The following ICMT variants were observed in gnomAD, a reference collection of about 807,000 sequenced individuals.
ICMT encodes protein-S-isoprenylcysteine O-methyltransferase.
ICMT carries 10 observed loss-of-function variants against 32.2 expected under a neutral mutation model. The ratio of observed to expected loss-of-function variants is 0.31; its 90% CI spans 0.19 to 0.53. The LOEUF is 0.53. Among genes scored for constraint, ICMT ranks in the 20% least tolerant of loss-of-function variants. ICMT has a pLI of 0.96. For synonymous variants in ICMT, 183 were observed against 158.2 expected (o/e 1.16, Z -1.18); for missense variants, 265 against 356.9 (o/e 0.74, Z 2.07).
chr1:6,233,404 A>G, intron 3 of ICMT, 70 bp downstream of exon 3: 4 of 1,410,000 alleles, frequency 2.8e-6, no homozygotes, highest in South Asian at 1.3e-5. Context: ...AGGTGAATCA[A>G]TGTCACTGTC....
At position 6,224,402 on chromosome 1, in the gene ICMT, A is replaced by G. The variant is rs1668607684; in HGVS notation, c.*678T>C. The G allele has an allele frequency of 6.6e-6, 1 of 152,240 alleles. No homozygotes were observed. The allele number at this position is 152,240 out of a possible 1,614,324, so 9.4% of individuals were successfully genotyped here. ...ACAAAGCCACTCAGCCAAATCGTGT[A>G]GAGTTATCTAGGCTTACTTGCTGCA... On this transcript the variant is annotated 3_prime_UTR_variant, in exon 5 of 5. Transcript: ENST00000343813.
chr1:6,233,004 T>C (rs1231360156), intron 3 of ICMT, among the ~76,000 whole-genome samples: 3 of 152,172 alleles, frequency 2.0e-5, no homozygotes, highest in Admixed American at 6.5e-5. Context: ...ATTACAGGCA[T>C]GTGCCACTAC....
chr1:6,228,104 A>C (rs1047322677), intron 4 of ICMT, among the ~76,000 whole-genome samples: 2 of 152,198 alleles, frequency 1.3e-5, no homozygotes, highest in Admixed American at 1.3e-4. Context: ...GTTTGAGACT[A>C]GCTTGGGCAA....
Position 6,224,063 on chromosome 1 carries a change from T to C in ICMT, c.*1017A>G, listed in dbSNP as rs1668603131. On this transcript the variant is annotated 3_prime_UTR_variant, in exon 5 of 5. Transcript: ENST00000343813. ...GGATTTGTAGTTGTATATGCTCAAATCCCTTTGGAAAACAGTTTGAAATGA... is the reference window on the plus strand; with the variant it reads ...GGATTTGTAGTTGTATATGCTCAAACCCCTTTGGAAAACAGTTTGAAATGA... 6.6e-6 allele frequency: 1 copy of C among 152,154 alleles called. No individual in the cohort carries two copies. The highest frequency in any genetic ancestry group is 1.5e-5 in the Non-Finnish European group (1 of 68,032). The allele number at this position is 152,154 out of a possible 1,614,324, so 9.4% of individuals were successfully genotyped here.
In ICMT at chr1:6,224,702, G is replaced by T; in HGVS notation, c.*378C>A. On this transcript the variant is annotated 3_prime_UTR_variant, in exon 5 of 5. Transcript: ENST00000343813. ...GGTACCTGCTACCCCTTTCTGCTGT[G>T]GAGTGTTGCTGAGGACAGAGTCCAT... 5.4e-6 allele frequency: 1 copy of T among 185,462 alleles called. No individual in the cohort carries two copies. The highest frequency in any genetic ancestry group is 1.5e-4 in the East Asian group (1 of 6,892). The allele number at this position is 185,462 out of a possible 1,614,324, so 11.5% of individuals were successfully genotyped here.
In ICMT at chr1:6,232,025, G is replaced by A. The variant is rs1571226476; in HGVS notation, c.549C>T (p.Ser183=). Residue 183 remains serine, a synonymous_variant, in exon 4 of 5, where the codon TCC becomes TCT. Transcript: ENST00000343813. The part of the protein sequence containing the change: ...LRKAAMFTAG[S]NFNHVVQNEK... The stretch of plus-strand genomic sequence containing the variant: ...CATTCTGTACCACGTGGTTGAAATT[G>A]GAGCCAGCTGTAAACATGGCCGCCT... 8 of 1,614,080 alleles carry A rather than the reference G, an allele frequency of 5.0e-6. No homozygotes were observed. In the South Asian group the frequency reaches 6.6e-5, roughly 13 times the overall value.
chr1:6,225,343 C>G, intron 4 of ICMT, 81 bp from the exon 5 acceptor site: 1 of 1,368,760 alleles, frequency 7.3e-7, no homozygotes, highest in Non-Finnish European at 1.0e-6. Context: ...TCTCTAATAC[C>G]CAGAGGATTT....
chr1:6,229,783 T>TACACACACAC (rs34741419), intron 4 of ICMT, among the ~76,000 whole-genome samples: 20 of 146,592 alleles, frequency 1.4e-4, no homozygotes, highest in African/African-American at 5.1e-4. Context: ...ATAAAAAAAA[T>TACACACACAC]ACACACACAC....
intron 3 of ICMT, among the ~76,000 whole-genome samples, 159 bp downstream of exon 3, chr1:6,233,315 G>A (rs916258062): frequency 6.6e-6 from 1 of 152,266 alleles, no homozygotes; most frequent in Non-Finnish European, 1.5e-5. Flanking sequence ...CAGAATTCAT[G>A]AGCGGAGCTC....
chr1:6,228,924 CG>C, intron 4 of ICMT, among the ~76,000 whole-genome samples: 1 of 151,740 alleles, frequency 6.6e-6, no homozygotes, highest in East Asian at 1.9e-4. Context: ...CCCAGCTACT[CG>C]CGGGGGCTGA....
chr1:6,230,701 A>C (rs1290868992), intron 4 of ICMT, among the ~76,000 whole-genome samples: 3 of 151,540 alleles, frequency 2.0e-5, no homozygotes, highest in Non-Finnish European at 1.5e-5. Flanking sequence ...CATCCTGGCT[A>C]ACACAGTCAA....
intron 3 of ICMT, 33 bp downstream of exon 3, chr1:6,233,441 T>C (rs781263884): frequency 1.3e-6 from 2 of 1,585,968 alleles, no homozygotes; most frequent in Non-Finnish European, 8.6e-7. Flanking sequence ...GCCACCCTTT[T>C]CCCCTCCAGA....
chr1:6,233,723 T>TG, intron 2 of ICMT, 80 bp from the exon 3 acceptor site: 2 of 1,196,176 alleles, frequency 1.7e-6, no homozygotes, highest in Non-Finnish European at 2.4e-6. Context: ...TCTCCTGAGC[T>TG]GTCCCTAAGT....
chr1:6,224,798 C>G lies in ICMT; in HGVS notation c.*282G>C. The G allele has an allele frequency of 1.9e-5, 7 of 363,114 alleles. No homozygotes were observed. Among genetic ancestry groups the G allele is most frequent in the South Asian group, 1.6e-4 (3 of 19,214 alleles). The allele number at this position is 363,114 out of a possible 1,614,324, so 22.5% of individuals were successfully genotyped here. A position where few individuals can be genotyped will look rare whatever the true frequency, so the allele number is the denominator to read the frequency against. On this transcript the variant is annotated 3_prime_UTR_variant, in exon 5 of 5. Transcript: ENST00000343813. Reference sequence around the variant, plus strand: ...GGGGGCAGTGGCGTGTGGCCTCGGTCCTCCCCAGGTAACTCTGGAGGGCGC... The same window carrying G: ...GGGGGCAGTGGCGTGTGGCCTCGGTGCTCCCCAGGTAACTCTGGAGGGCGC...
At chr1:6,229,783 TACACACAC>T (rs34741419) in intron 4 of ICMT, among the ~76,000 whole-genome samples, 5,873 of 146,676 alleles carry the variant, frequency 0.04, 295 homozygotes, top group Admixed American at 0.16. Flanking sequence ...ATAAAAAAAA[TACACACAC>T]ACACACACAC....
At position 6,222,849 on chromosome 1, in the gene ICMT, C is replaced by G. The variant is rs1013844847; in HGVS notation, c.*2231G>C. The G allele has an allele frequency of 1.3e-5, 2 of 152,362 alleles. No homozygotes were observed. Among genetic ancestry groups the G allele is most frequent in the East Asian group, 3.9e-4 (2 of 5,180 alleles). 9.4% of individuals were successfully genotyped at this position (152,362 alleles called of 1,614,324 possible). On this transcript the variant is annotated 3_prime_UTR_variant, in exon 5 of 5. Coordinates refer to ENST00000343813, the MANE Select transcript of ICMT (RefSeq NM_012405.4). Reference sequence around the variant, plus strand: ...GAACTTTTCCCTCAAAGAGCCGGGGCAGGATGCCAGAATCTAACTACATCC... The same window carrying G: ...GAACTTTTCCCTCAAAGAGCCGGGGGAGGATGCCAGAATCTAACTACATCC...
intron 4 of ICMT, among the ~76,000 whole-genome samples, chr1:6,225,734 T>C (rs1571223058): frequency 6.6e-6 from 1 of 151,982 alleles, no homozygotes; most frequent in African/African-American, 2.4e-5. Context: ...TTCCAGCAGA[T>C]TACCTCCACG....
intron 4 of ICMT, among the ~76,000 whole-genome samples, chr1:6,230,721 C>A (rs12133771): frequency 6.6e-6 from 1 of 151,360 alleles, no homozygotes; most frequent in Non-Finnish European, 1.5e-5. Context: ...AACCTCATCT[C>A]TACTAAAAAT....
intron 1 of ICMT, 41 bp downstream of exon 1, chr1:6,235,676 G>A: frequency 2.6e-6 from 3 of 1,136,656 alleles, no homozygotes; most frequent in Non-Finnish European, 3.2e-6. Context: ...GCGGACCGCC[G>A]CCCGCCCCGC....
Sources: allele counts gnomAD v4.1 joint callset (sites outside exome capture counted in the v4.1 genomes callset), GRCh38; gene constraint gnomAD v4.1.1; transcripts MANE v1.5; gene names NCBI Gene and HGNC (gene_info 2026-07-23, HGNC 2026-07-21).